GLP2R: variants seen among roughly 807,000 people sequenced by gnomAD.
GLP2R encodes glucagon like peptide 2 receptor.
Under a neutral mutation model 68.2 loss-of-function variants are expected in GLP2R, and 59 were observed. That is an observed-to-expected ratio of 0.87 (90% CI 0.70 to 1.07). The LOEUF (loss-of-function observed/expected upper bound fraction) is 1.07. GLP2R is among the 50% of genes least tolerant of loss of function. GLP2R has a pLI of 0.00. For missense variants in GLP2R, 548 were observed against 677.4 expected (o/e 0.81, Z 2.12); for synonymous variants, 270 against 265.4 (o/e 1.02, Z -0.17).
intron 9 of GLP2R, among the ~76,000 whole-genome samples, chr17:9,862,323 G>A (rs1173984689): frequency 1.3e-5 from 2 of 152,194 alleles, no homozygotes; most frequent in African/African-American, 4.8e-5. Flanking sequence ...TGTGTAAAGA[G>A]ACCTGCAGTC....
chr17:9,864,695 G>A (rs1404037597), intron 9 of GLP2R, among the ~76,000 whole-genome samples: 2 of 151,896 alleles, frequency 1.3e-5, no homozygotes, highest in Admixed American at 1.3e-4. Flanking sequence ...GCTAATTTTT[G>A]TATTTTTAGT....
chr17:9,857,049 G>T (rs2066940082), intron 5 of GLP2R, among the ~76,000 whole-genome samples: 1 of 152,052 alleles, frequency 6.6e-6, no homozygotes. Context: ...AGCCTCCCAA[G>T]TAGCTGGGAT....
rs771238446 is a variant in GLP2R, at chr17:9,826,036, C to T, written c.-28C>T. ...CATCTTGGACGGCTAGAGAGATGTA[C>T]CCCTACTTGTGAAGGTGCACGAGGA... is the stretch of plus-strand genomic sequence containing the variant. On this transcript the variant is annotated 5_prime_UTR_variant, in exon 1 of 13. Coordinates refer to ENST00000262441, the MANE Select transcript of GLP2R (RefSeq NM_004246.3). The T allele has an allele frequency of 3.5e-5, 55 of 1,593,908 alleles. No homozygotes were observed. Among genetic ancestry groups the T allele is most frequent in the Non-Finnish European group, 4.6e-5 (54 of 1,169,232 alleles).
chr17:9,861,101 C>A, intron 7 of GLP2R, 38 bp from the exon 8 acceptor site: 1 of 1,573,060 alleles, frequency 6.4e-7, no homozygotes, highest in Non-Finnish European at 8.7e-7. Context: ...GTTTGGCCAA[C>A]CAACTCCTAA....
intron 1 of GLP2R, among the ~76,000 whole-genome samples, chr17:9,827,042 G>A (rs2066638636): frequency 6.6e-6 from 1 of 151,940 alleles, no homozygotes; most frequent in African/African-American, 2.4e-5. Context: ...GCTAATTTTT[G>A]TATTTTAGTA....
chr17:9,880,401 T>C lies in GLP2R; in HGVS notation c.1169T>C (p.Leu390Pro). The C allele has an allele frequency of 6.2e-7, 1 of 1,601,768 alleles. No individual in the cohort carries two copies. The highest frequency in any genetic ancestry group is 1.1e-5 in the South Asian group (1 of 89,068). Residue 390 changes from leucine (L) to proline (P), a missense_variant, in exon 11 of 13, where the codon CTC (leucine) becomes CCC (proline). By Grantham distance (98) the Leu-to-Pro change is moderately conservative (BLOSUM62 -3). Coordinates refer to ENST00000262441, the MANE Select transcript of GLP2R (RefSeq NM_004246.3). The stretch of plus-strand genomic sequence containing the variant: ...AGATTGGCAAAATCAACACTGGTCC[T>C]CATTCCTTTATTGGGCGTTCATGAG... Reference protein sequence around the residue: ...KYRLAKSTLVLIPLLGVHEIL... With the variant: ...KYRLAKSTLVPIPLLGVHEIL...
Position 9,887,629 on chromosome 17 carries a change from C to T in GLP2R, c.1285-303C>T, listed in dbSNP as rs552274904. On this transcript the variant is annotated intron_variant, in intron 11 of 12. Transcript: ENST00000262441. ...TATTTGTATAATTGAATGAATGACA[C>T]AAGGTCTTGGGGGTTTAATCATCAT... Among the ~76,000 whole-genome samples, 28 of 152,312 alleles carry T rather than the reference C, an allele frequency of 1.8e-4. No homozygotes were observed. In the South Asian group the frequency reaches 5.6e-3, roughly 30 times the overall value.
chr17:9,842,450 G>T, intron 3 of GLP2R, 45 bp from the exon 4 acceptor site: 1 of 1,613,234 alleles, frequency 6.2e-7, no homozygotes, highest in Admixed American at 1.7e-5. Flanking sequence ...CAGGGGAACG[G>T]GCTGTGTGTT....
intron 1 of GLP2R, among the ~76,000 whole-genome samples, chr17:9,830,422 T>C (rs2066670305): frequency 6.6e-6 from 1 of 152,256 alleles, no homozygotes; most frequent in Non-Finnish European, 1.5e-5. Context: ...TCAGTTATGG[T>C]GCCATTAAAG....
chr17:9,861,055 T>A (rs549188780), intron 7 of GLP2R, 84 bp from the exon 8 acceptor site: 7 of 905,430 alleles, frequency 7.7e-6, no homozygotes, highest in African/African-American at 6.5e-5. Flanking sequence ...TAACCACCTG[T>A]GGTTAGCCTC....
intron 7 of GLP2R, among the ~76,000 whole-genome samples, chr17:9,860,545 G>A (rs1171529078): frequency 6.6e-6 from 1 of 152,164 alleles, no homozygotes; most frequent in African/African-American, 2.4e-5. Flanking sequence ...ACATGGTGAG[G>A]AGAGTGAGAA....
intron 5 of GLP2R, among the ~76,000 whole-genome samples, chr17:9,855,803 G>T (rs1333614656): frequency 6.6e-6 from 1 of 152,194 alleles, no homozygotes; most frequent in East Asian, 1.9e-4. Flanking sequence ...CAAACAAGCA[G>T]TCTAGGATCT....
At chr17:9,846,786 A>G (rs1240152805) in intron 4 of GLP2R, among the ~76,000 whole-genome samples, 1 of 152,252 alleles carries the variant, frequency 6.6e-6, no homozygotes, top group Non-Finnish European at 1.5e-5. Context: ...CAAAACATTA[A>G]TCAATGTAGT....
chr17:9,849,967 T>A (rs912176540), intron 4 of GLP2R, among the ~76,000 whole-genome samples: 1 of 152,218 alleles, frequency 6.6e-6, no homozygotes, highest in Non-Finnish European at 1.5e-5. Context: ...CAGATGTTTA[T>A]GTTGGCTTAT....
intron 7 of GLP2R, among the ~76,000 whole-genome samples, chr17:9,860,537 A>G (rs533996814): frequency 1.3e-5 from 2 of 152,250 alleles, no homozygotes; most frequent in African/African-American, 2.4e-5. Flanking sequence ...GTATTCTCAC[A>G]TGGTGAGGAG....
At chr17:9,871,784 G>A (rs866409349) in intron 10 of GLP2R, among the ~76,000 whole-genome samples, 2 of 141,290 alleles carry the variant, frequency 1.4e-5, no homozygotes, top group African/African-American at 5.4e-5. Flanking sequence ...GAGTGCAATG[G>A]CATGATCTCA....
At chr17:9,872,033 T>C (rs1353292355) in intron 10 of GLP2R, among the ~76,000 whole-genome samples, 1 of 152,182 alleles carries the variant, frequency 6.6e-6, no homozygotes, top group Non-Finnish European at 1.5e-5. Flanking sequence ...TATTCTTTGC[T>C]TTCTATGTGG....
intron 10 of GLP2R, among the ~76,000 whole-genome samples, chr17:9,876,238 A>G (rs2067141568): frequency 1.3e-5 from 2 of 152,206 alleles, no homozygotes; most frequent in Admixed American, 1.3e-4. Context: ...CTGATAGGCA[A>G]TGTAGGAAAC....
intron 4 of GLP2R, chr17:9,852,978 T>C (rs1171741534): frequency 1.3e-5 from 6 of 477,388 alleles, no homozygotes; most frequent in East Asian, 4.6e-5. Flanking sequence ...TGTCCACTAA[T>C]AGGCATCTGC....
Sources: allele counts gnomAD v4.1 joint callset (sites outside exome capture counted in the v4.1 genomes callset), GRCh38; gene constraint gnomAD v4.1.1; transcripts MANE v1.5; gene names NCBI Gene and HGNC (gene_info 2026-07-23, HGNC 2026-07-21).